DGKG: variants seen among roughly 807,000 people sequenced by gnomAD.
DGKG encodes DAG kinase gamma.
A neutral mutation model predicts 105.3 loss-of-function variants in DGKG; 78 were observed. The ratio of observed to expected loss-of-function variants is 0.74; its 90% confidence interval spans 0.62 to 0.89. DGKG has a LOEUF of 0.89. DGKG is among the 40% of genes least tolerant of loss of function. The pLI, the probability that DGKG is intolerant of heterozygous loss-of-function variation, is 0.00. For missense variants in DGKG, 958 were observed against 1,020.1 expected (o/e 0.94, Z 0.83); for synonymous variants, 346 against 367.1 (o/e 0.94, Z 0.66).
In DGKG at chr3:186,239,879, A is replaced by G. The variant is rs1346069905; in HGVS notation, c.1826+2625T>C. On this transcript the variant is annotated intron_variant, in intron 20 of 24. Transcript: ENST00000265022. ...CACAGTGAATTTGTTCATACTTTGC[A>G]TTAAAATGCACGCTACAATCTTTTT... Among the ~76,000 whole-genome samples, 6 of 151,436 alleles carry G rather than the reference A, an allele frequency of 4.0e-5. No homozygotes were observed. In the East Asian group the frequency reaches 1.2e-3, roughly 29 times the overall value.
chr3:186,303,164 C>T (rs939002192), intron 3 of DGKG, among the ~76,000 whole-genome samples: 1 of 152,226 alleles, frequency 6.6e-6, no homozygotes, highest in Non-Finnish European at 1.5e-5. Context: ...ATGTGCCACA[C>T]TCTCAAGGTG....
intron 21 of DGKG, among the ~76,000 whole-genome samples, chr3:186,191,269 T>G (rs1717894396): frequency 6.6e-6 from 1 of 152,232 alleles, no homozygotes. Flanking sequence ...AATATCTGTG[T>G]GCAAAGCCTA....
At position 186,298,120 on chromosome 3, in the gene DGKG, T is replaced by C; in HGVS notation, c.254A>G (p.His85Arg). The change falls in exon 4 of 25, where the codon CAC becomes CGC. Residue 85 changes from histidine (H) to arginine (R), a missense_variant. By Grantham distance (29) the His-to-Arg change is conservative. This residue lies in a region of DGKG where 643 missense variants were observed against 619.5 expected (regional missense o/e 1.04). Coordinates refer to ENST00000265022, the MANE Select transcript of DGKG (RefSeq NM_001346.3). Reference sequence around the variant, plus strand: ...CTCCGTCGGGTGGTCAGAGGTCTCGTGTCTGGGCTTCTGGCTGAAGGCCAG... The same window carrying C: ...CTCCGTCGGGTGGTCAGAGGTCTCGCGTCTGGGCTTCTGGCTGAAGGCCAG... ...LFLAFSQKPR[H>R]ETSDHPTEGA... is the part of the protein sequence containing the mutation. 6.2e-7 allele frequency: 1 copy of C among 1,614,068 alleles called. No homozygotes were observed. Among genetic ancestry groups the C allele is most frequent in the Non-Finnish European group, 8.5e-7 (1 of 1,179,990 alleles).
intron 5 of DGKG, among the ~76,000 whole-genome samples, chr3:186,292,145 C>G (rs549488216): frequency 2.0e-5 from 3 of 152,146 alleles, no homozygotes; most frequent in Admixed American, 1.3e-4. Flanking sequence ...TGTCCTGGTG[C>G]CATGTCCTAA....
intron 1 of DGKG, among the ~76,000 whole-genome samples, chr3:186,352,277 G>T (rs1726670984): frequency 6.6e-6 from 1 of 152,168 alleles, no homozygotes; most frequent in South Asian, 2.1e-4. Flanking sequence ...TACTGGGACA[G>T]CTCAGTTGCC....
intron 8 of DGKG, 48 bp downstream of exon 8, chr3:186,280,622 C>G (rs372661457): frequency 6.9e-7 from 1 of 1,443,912 alleles, no homozygotes. Flanking sequence ...GTCCCCCTCC[C>G]GTCTTAGAAG....
At chr3:186,309,391 T>C (rs983423573) in intron 2 of DGKG, among the ~76,000 whole-genome samples, 1 of 152,198 alleles carries the variant, frequency 6.6e-6, no homozygotes, top group Non-Finnish European at 1.5e-5. Context: ...GTTAAGAACA[T>C]TGATTTGAAA....
rs1345879674 is a variant in DGKG at position 186,333,477 on chromosome 3, A to C, written c.-248-12770T>G. Among the ~76,000 whole-genome samples the C allele has an allele frequency of 3.3e-5, 5 of 152,326 alleles. No individual in the cohort carries two copies. The South Asian group carries it at 8.3e-4, about 25-fold the overall frequency. On this transcript the variant is annotated intron_variant, in intron 1 of 24. Transcript: ENST00000265022. ...GAAGCTGGAGGCCCATGACTGCCAG[A>C]AAACTGTCATCATGCCACACTCCTA...
intron 24 of DGKG, among the ~76,000 whole-genome samples, chr3:186,155,177 TG>T (rs1715975597): frequency 6.6e-6 from 1 of 152,138 alleles, no homozygotes; most frequent in Non-Finnish European, 1.5e-5. Context: ...TGTTTTATTT[TG>T]GTTTTGTTTT....
At chr3:186,352,637 C>T (rs945145112) in intron 1 of DGKG, among the ~76,000 whole-genome samples, 1 of 152,082 alleles carries the variant, frequency 6.6e-6, no homozygotes, top group Admixed American at 6.5e-5. Context: ...GGTGTAGGAG[C>T]CTGGTGGCCA....
intron 21 of DGKG, among the ~76,000 whole-genome samples, chr3:186,188,608 G>A (rs538084180): frequency 6.6e-6 from 1 of 152,266 alleles, no homozygotes; most frequent in African/African-American, 2.4e-5. Flanking sequence ...CAGCTCCGGG[G>A]AATACAGTAC....
At chr3:186,313,134 C>CT (rs979136403) in intron 2 of DGKG, among the ~76,000 whole-genome samples, 1 of 152,214 alleles carries the variant, frequency 6.6e-6, no homozygotes, top group African/African-American at 2.4e-5. Context: ...ATTGAAATCA[C>CT]TTGCAGGGCT....
intron 22 of DGKG, among the ~76,000 whole-genome samples, chr3:186,168,879 G>A (rs1467937637): frequency 6.6e-6 from 1 of 152,130 alleles, no homozygotes; most frequent in Non-Finnish European, 1.5e-5. Context: ...AACACCAAGT[G>A]CTGGGGAACG....
At chr3:186,275,962 A>ATCTG in intron 9 of DGKG, among the ~76,000 whole-genome samples, 1 of 149,388 alleles carries the variant, frequency 6.7e-6, no homozygotes. Flanking sequence ...CTATCTATCT[A>ATCTG]TCTATCTATC....
intron 5 of DGKG, among the ~76,000 whole-genome samples, chr3:186,294,587 C>G (rs557671954): frequency 1.3e-5 from 2 of 150,696 alleles, no homozygotes; most frequent in African/African-American, 2.4e-5. Context: ...GGGCAGGATG[C>G]TTTTTACCAC....
intron 1 of DGKG, among the ~76,000 whole-genome samples, chr3:186,342,811 C>A (rs765653272): frequency 3.3e-5 from 5 of 151,962 alleles, no homozygotes; most frequent in Non-Finnish European, 7.4e-5. Flanking sequence ...ATAGAGGCAG[C>A]CTGAAGTTTT....
chr3:186,151,223 CAGTT>C lies in DGKG; in HGVS notation c.2278-1039_2278-1036del, dbSNP rs1181081322. 3.3e-5 allele frequency among the ~76,000 whole-genome samples: 5 copies of C among 152,140 alleles called. No homozygotes were observed. The East Asian group carries it at 9.6e-4, about 29-fold the overall frequency. On this transcript the variant is annotated intron_variant, in intron 24 of 24. Transcript: ENST00000265022. ...CTGTAAACTGTAAAATGGAAAGTAA[CAGTT>C]AGTAAAATCCTTGTCTTATGGAGAA...
chr3:186,191,849 G>A (rs1457630551), intron 21 of DGKG, among the ~76,000 whole-genome samples: 1 of 151,886 alleles, frequency 6.6e-6, no homozygotes, highest in Admixed American at 6.6e-5. Context: ...CACATTGATT[G>A]AAAAACAAAA....
chr3:186,296,316 A>G (rs1485250787), intron 5 of DGKG, among the ~76,000 whole-genome samples: 1 of 152,206 alleles, frequency 6.6e-6, no homozygotes, highest in African/African-American at 2.4e-5. Flanking sequence ...GCCCACGGTT[A>G]CAGAGCTAGG....
Sources: allele counts gnomAD v4.1 joint callset (sites outside exome capture counted in the v4.1 genomes callset), GRCh38; gene constraint gnomAD v4.1.1; regional missense constraint gnomAD v4.1.1; transcripts MANE v1.5; gene names NCBI Gene and HGNC (gene_info 2026-07-23, HGNC 2026-07-21).